Variants in ESRRG observed in about 807,000 individuals in gnomAD.
ESRRG encodes the protein estrogen-related receptor gamma.
Under a neutral mutation model 44.0 loss-of-function variants are expected in ESRRG, and 13 were observed. The observed-to-expected ratio is 0.30, with a 90% confidence interval of 0.19 to 0.47. The LOEUF (loss-of-function observed/expected upper bound fraction) is 0.47. Ranked by LOEUF, ESRRG falls within the 20% of genes least tolerant of loss-of-function variation. The pLI is 1.00. For synonymous variants in ESRRG, 215 were observed against 214.6 expected, an observed-to-expected ratio of 1.00 and a Z score of -0.02; for missense variants, 395 against 580.6, an observed-to-expected ratio of 0.68 and a Z score of 3.29.
At chr1:216,571,240 C>A (rs1048492620) in intron 3 of ESRRG, among the ~76,000 whole-genome samples, 1 of 152,004 alleles carries the variant, frequency 6.6e-6, no homozygotes, top group Admixed American at 6.6e-5. Flanking sequence ...GTCAGGAGTT[C>A]GAGACCAGCC....
chr1:216,570,330 A>G (rs186070555), intron 3 of ESRRG, among the ~76,000 whole-genome samples: 221 of 152,320 alleles, frequency 1.5e-3, no homozygotes, highest in Middle Eastern at 3.4e-3. Context: ...AAGAAGTTAT[A>G]TTTCTTTATT....
chr1:217,020,564 C>T (rs547479920), intron 1 of ESRRG, among the ~76,000 whole-genome samples: 5 of 152,256 alleles, frequency 3.3e-5, no homozygotes, highest in South Asian at 2.1e-4. Flanking sequence ...CTACCCTCCA[C>T]ACAAAATGCT....
chr1:216,985,947 CA>C (rs1247371617), intron 1 of ESRRG: 1 of 152,152 alleles, frequency 6.6e-6, no homozygotes, highest in Non-Finnish European at 1.5e-5. Flanking sequence ...AAGACCATGA[CA>C]ACTTCTAAAA....
At chr1:216,912,525 T>A (rs1408936565) in intron 2 of ESRRG, among the ~76,000 whole-genome samples, 1 of 152,172 alleles carries the variant, frequency 6.6e-6, no homozygotes, top group East Asian at 1.9e-4. Context: ...GATACACATA[T>A]CTTCACTCAA....
At chr1:216,601,996 T>C (rs2059324108) in intron 3 of ESRRG, among the ~76,000 whole-genome samples, 1 of 152,192 alleles carries the variant, frequency 6.6e-6, no homozygotes, top group Non-Finnish European at 1.5e-5. Flanking sequence ...TTAAAATGGT[T>C]GAATGACTTG....
chr1:216,727,937 G>C (rs1019441299), upstream of ESRRG, among the ~76,000 whole-genome samples: 8 of 152,114 alleles, frequency 5.3e-5, no homozygotes, highest in Non-Finnish European at 1.0e-4. Flanking sequence ...GAAACTAATA[G>C]AGGCAATTCA....
At chr1:216,595,547 C>T (rs114692839) in intron 3 of ESRRG, among the ~76,000 whole-genome samples, 2,153 of 152,232 alleles carry the variant, frequency 0.014, 25 homozygotes, top group Non-Finnish European at 0.023. Flanking sequence ...ATGTCAAATG[C>T]ATAAAATGTC....
chr1:216,951,717 A>ATGTGTGTGTGTGTGTG, intron 1 of ESRRG, among the ~76,000 whole-genome samples: 2 of 143,720 alleles, frequency 1.4e-5, no homozygotes, highest in South Asian at 4.5e-4. Flanking sequence ...AACTATCACT[A>ATGTGTGTGTGTGTGTG]TGTGTGTGTG....
chr1:217,003,581 G>GTATTAATATTAATTAA (rs2077342781), intron 1 of ESRRG, among the ~76,000 whole-genome samples: 1 of 108,172 alleles, frequency 9.2e-6, no homozygotes, highest in Non-Finnish European at 2.0e-5. Flanking sequence ...TAATTAATAA[G>GTATTAATATTAATTAA]TATTAATATT....
chr1:216,992,812 A>G (rs528217280), intron 1 of ESRRG, among the ~76,000 whole-genome samples: 41 of 152,210 alleles, frequency 2.7e-4, no homozygotes, highest in Non-Finnish European at 5.1e-4. Context: ...CAGTGATTAT[A>G]ACAATAGTTA....
At chr1:216,670,102 C>G (rs1453193209) in intron 2 of ESRRG, among the ~76,000 whole-genome samples, 1 of 152,146 alleles carries the variant, frequency 6.6e-6, no homozygotes, top group Non-Finnish European at 1.5e-5. Context: ...GTTATTTTCT[C>G]TAGACACTAT....
Position 216,723,165 on chromosome 1 carries a change from T to C in ESRRG, c.56+79A>G, listed in dbSNP as rs539075062. 9 of 1,170,946 alleles carry C rather than the reference T, an allele frequency of 7.7e-6. No individual in the cohort carries two copies. The South Asian group carries it at 1.1e-4, about 15-fold the overall frequency. The allele number at this position is 1,170,946 out of a possible 1,614,324, so 72.5% of individuals were successfully genotyped here. ...ATACCCAGGGCATTACCTGAATCAG[T>C]GTGTAAAGATATAGTCTGTCCGCCC... On this transcript the variant is annotated intron_variant, in intron 1 of 6. Coordinates refer to ENST00000408911, the MANE Select transcript of ESRRG (RefSeq NM_001438.4).
intron 1 of ESRRG, among the ~76,000 whole-genome samples, chr1:216,716,283 C>T (rs1288538747): frequency 1.3e-5 from 2 of 151,916 alleles, no homozygotes; most frequent in Non-Finnish European, 2.9e-5. Flanking sequence ...AAACTTATTG[C>T]TATCTATGCT....
intron 1 of ESRRG, among the ~76,000 whole-genome samples, chr1:216,962,099 A>C (rs1459327723): frequency 6.6e-6 from 1 of 152,152 alleles, no homozygotes; most frequent in East Asian, 1.9e-4. Context: ...TTAACTGCAA[A>C]TAGAAAGTCC....
intron 1 of ESRRG, among the ~76,000 whole-genome samples, chr1:216,990,329 A>G (rs1213943662): frequency 6.6e-6 from 1 of 152,224 alleles, no homozygotes; most frequent in Admixed American, 6.5e-5. Flanking sequence ...AATTTCAAAA[A>G]TATTTTTTTA....
At chr1:216,874,394 A>T (rs1335834198) in intron 2 of ESRRG, among the ~76,000 whole-genome samples, 1 of 152,186 alleles carries the variant, frequency 6.6e-6, no homozygotes, top group East Asian at 1.9e-4. Flanking sequence ...AACTGAATGT[A>T]TTATGCACAC....
At chr1:216,632,396 A>T (rs980800468) in intron 3 of ESRRG, among the ~76,000 whole-genome samples, 2 of 152,226 alleles carry the variant, frequency 1.3e-5, no homozygotes, top group African/African-American at 4.8e-5. Context: ...TTCAAGTAAA[A>T]TAAACACAAT....
chr1:216,567,410 C>T (rs938041462), intron 4 of ESRRG, among the ~76,000 whole-genome samples: 3 of 152,094 alleles, frequency 2.0e-5, no homozygotes, highest in African/African-American at 7.2e-5. Context: ...CAATTCATAC[C>T]GTCCATAAGG....
intron 1 of ESRRG, among the ~76,000 whole-genome samples, chr1:217,077,383 G>A (rs1005567279): frequency 1.3e-5 from 2 of 152,178 alleles, no homozygotes; most frequent in Non-Finnish European, 2.9e-5. Context: ...AAGTGGACAA[G>A]CCGAGATTTG....
Sources: gnomAD v4.1 joint callset for allele counts (sites outside exome capture counted in the v4.1 genomes callset) on GRCh38, gnomAD v4.1.1 for gene constraint, MANE v1.5 for transcripts, NCBI Gene and HGNC (gene_info 2026-07-23, HGNC 2026-07-21) for gene names.